SLC8A2: variants seen among roughly 807,000 people sequenced by gnomAD.
The protein encoded by SLC8A2 is solute carrier family 8 member A2.
SLC8A2 carries 14 observed loss-of-function variants against 70.2 expected under a neutral mutation model. That is an observed-to-expected ratio of 0.20 (90% CI 0.13 to 0.31). The LOEUF (loss-of-function observed/expected upper bound fraction) is 0.31. Among genes scored for constraint, SLC8A2 ranks in the 10% least tolerant of loss-of-function variants. SLC8A2 has a pLI of 1.00. For synonymous variants in SLC8A2, 575 were observed against 594.3 expected, an observed-to-expected ratio of 0.97 and a Z score of 0.47; for missense variants, 779 against 1,320.1, an observed-to-expected ratio of 0.59 and a Z score of 6.35.
intron 2 of SLC8A2, among the ~76,000 whole-genome samples, chr19:47,461,288 C>T (rs1473990945): frequency 6.6e-6 from 1 of 151,978 alleles, no homozygotes; most frequent in Non-Finnish European, 1.5e-5. Flanking sequence ...GTGGGTGGAT[C>T]ACTTGAGCTC....
chr19:47,455,123 GGAGA>G (rs1221257280), intron 3 of SLC8A2, among the ~76,000 whole-genome samples: 1 of 152,060 alleles, frequency 6.6e-6, no homozygotes, highest in South Asian at 2.1e-4. Flanking sequence ...AGAGAGTAGA[GGAGA>G]GAGAGGAGAG....
In SLC8A2 at chr19:47,460,299, C is replaced by T. The variant is rs1427258281; in HGVS notation, c.676-2705G>A. 3.3e-5 allele frequency among the ~76,000 whole-genome samples: 5 copies of T among 152,328 alleles called. No individual in the cohort carries two copies. In the East Asian group the frequency reaches 9.6e-4, roughly 29 times the overall value. The stretch of plus-strand genomic sequence containing the variant: ...TACCACAGGGATGGCTGTCTCATCT[C>T]TTGGTCTATACAATGGGGACATTTC... On this transcript the variant is annotated intron_variant, in intron 2 of 9. Coordinates refer to ENST00000236877, the MANE Select transcript of SLC8A2 (RefSeq NM_015063.3).
intron 6 of SLC8A2, among the ~76,000 whole-genome samples, 153 bp from the exon 7 acceptor site, chr19:47,438,126 C>G (rs1051113967): frequency 5.3e-5 from 8 of 152,152 alleles, no homozygotes; most frequent in African/African-American, 1.7e-4. Flanking sequence ...ACCTGACCAC[C>G]GTCTCCTTCA....
At chr19:47,462,315 A>G (rs566492725) in intron 2 of SLC8A2, among the ~76,000 whole-genome samples, 1 of 151,666 alleles carries the variant, frequency 6.6e-6, no homozygotes, top group African/African-American at 2.4e-5. Flanking sequence ...CCCAGGCTGG[A>G]GTGCAGTGGT....
chr19:47,440,758 A>T (rs1272210269), intron 6 of SLC8A2, among the ~76,000 whole-genome samples: 3 of 151,990 alleles, frequency 2.0e-5, no homozygotes, highest in African/African-American at 7.3e-5. Context: ...GGCCCGGCTA[A>T]TTTTGTATTT....
At position 47,447,893 on chromosome 19, in the gene SLC8A2, C is replaced by T. The variant is rs1429402712; in HGVS notation, c.1679G>A (p.Arg560His). Residue 560 changes from arginine (R) to histidine (H), a missense_variant, in exon 4 of 10, where the codon CGC becomes CAC. By Grantham distance (29) the Arg-to-His change is conservative (BLOSUM62 0). This residue lies in a region of SLC8A2 where 247 missense variants were observed against 362.8 expected (regional missense o/e 0.68). Transcript: ENST00000236877. The surrounding 1 kb of genome is among the most constrained non-coding windows in gnomAD (Gnocchi z 5.1). ...GCCGCGCGCCGTGCCGTCCACCGTG[C>T]GGTAGGGAAGGCGCACGGTGCCGCG... is the stretch of plus-strand genomic sequence containing the variant. ...GARGTVRLPY[R>H]TVDGTARGGG... 1 of 1,589,936 alleles carries T rather than the reference C, an allele frequency of 6.3e-7. No homozygotes were observed. The highest frequency in any genetic ancestry group is 8.5e-7 in the Non-Finnish European group (1 of 1,170,842).
chr19:47,463,279 C>T (rs1426970837), intron 2 of SLC8A2, among the ~76,000 whole-genome samples: 1 of 145,700 alleles, frequency 6.9e-6, no homozygotes, highest in Non-Finnish European at 1.5e-5. Context: ...ACTACAGGCG[C>T]CCGCCACCAC....
rs563989298 is a variant in SLC8A2 at position 47,441,000 on chromosome 19, C to T, written c.1885+169G>A. On this transcript the variant is annotated intron_variant, in intron 6 of 9. Transcript: ENST00000236877. ...TAATCCCAAACTCATACAGGCACCACCAACTCTCAGGCCAGACCCCACTGT... is the reference window on the plus strand; with the variant it reads ...TAATCCCAAACTCATACAGGCACCATCAACTCTCAGGCCAGACCCCACTGT... 3.3e-5 allele frequency among the ~76,000 whole-genome samples: 5 copies of T among 152,272 alleles called. No individual in the cohort carries two copies. In the East Asian group the frequency reaches 5.8e-4, roughly 18 times the overall value.
At chr19:47,456,387 C>T (rs544323768) in intron 3 of SLC8A2, among the ~76,000 whole-genome samples, 7 of 152,244 alleles carry the variant, frequency 4.6e-5, no homozygotes, top group African/African-American at 7.2e-5. Context: ...AGAACATGGC[C>T]GGATGATGGC....
At chr19:47,438,949 T>G (rs1208154282) in intron 6 of SLC8A2, among the ~76,000 whole-genome samples, 2 of 152,144 alleles carry the variant, frequency 1.3e-5, no homozygotes, top group African/African-American at 4.8e-5. Flanking sequence ...ACCTGTTTCC[T>G]CTCCTTCCTG....
chr19:47,438,145 G>A (rs919889886), intron 6 of SLC8A2, among the ~76,000 whole-genome samples, 172 bp from the exon 7 acceptor site: 2 of 152,110 alleles, frequency 1.3e-5, no homozygotes, highest in Non-Finnish European at 2.9e-5. Flanking sequence ...CAACCCTGAG[G>A]TCCAGCTCCC....
rs1327720748 is a variant in SLC8A2, at chr19:47,430,722, C to T, written c.2390-257G>A. Among the ~76,000 whole-genome samples, 1 of 152,176 alleles carries T rather than the reference C, an allele frequency of 6.6e-6. No individual in the cohort carries two copies. Among genetic ancestry groups the T allele is most frequent in the Non-Finnish European group, 1.5e-5 (1 of 68,036 alleles). On this transcript the variant is annotated intron_variant, in intron 9 of 9. Transcript: ENST00000236877. This position sits in a 1 kb window ranked among gnomAD's most constrained non-coding sequence, Gnocchi z 5.9. The stretch of plus-strand genomic sequence containing the variant: ...TCATTCTCTTCTATGGGACTCACTG[C>T]GTGATTTCTTTTTTTTTCCTCCGAG...
intron 4 of SLC8A2, among the ~76,000 whole-genome samples, chr19:47,446,073 G>C (rs1967157801): frequency 6.6e-6 from 1 of 152,226 alleles, no homozygotes; most frequent in African/African-American, 2.4e-5. Context: ...CAGAGATGCA[G>C]AGGGAGAGAC....
Position 47,430,405 on chromosome 19 carries a change from T to C in SLC8A2, c.2450A>G (p.Asn817Ser). The change falls in exon 10 of 10, where the codon AAC becomes AGC. Residue 817 changes from asparagine to serine, a missense_variant. This residue lies in a region of SLC8A2 where 108 missense variants were observed against 269.6 expected (regional missense o/e 0.40). Coordinates refer to ENST00000236877, the MANE Select transcript of SLC8A2 (RefSeq NM_015063.3). This position sits in a 1 kb window ranked among gnomAD's most constrained non-coding sequence, Gnocchi z 5.9. ...GTTCACCGCGTTGGAGCCGGTCACG[T>C]TGCCGATGGACGCGTCGGCGCACTG... ...QDQCADASIG[N>S]VTGSNAVNVF... 1 of 1,610,086 alleles carries C rather than the reference T, an allele frequency of 6.2e-7. No homozygotes were observed. Among genetic ancestry groups the C allele is most frequent in the Non-Finnish European group, 8.5e-7 (1 of 1,179,036 alleles).
At chr19:47,471,682 A>C (rs1290223445) in intron 1 of SLC8A2, 107 bp downstream of exon 1, 1 of 151,952 alleles carries the variant, frequency 6.6e-6, no homozygotes, top group African/African-American at 2.4e-5. Flanking sequence ...TCCATAAACC[A>C]GCCCAGGGAA....
At position 47,447,473 on chromosome 19, in the gene SLC8A2, C is replaced by G. The variant is rs1267202289; in HGVS notation, c.1763+336G>C. ...TTCTAGGCCTCGCCTCTTCATTTCACAGTCACAACCCCACCAGGCCCCGCC... is the reference window on the plus strand; with the variant it reads ...TTCTAGGCCTCGCCTCTTCATTTCAGAGTCACAACCCCACCAGGCCCCGCC... On this transcript the variant is annotated intron_variant, in intron 4 of 9. Transcript: ENST00000236877. This position sits in a 1 kb window ranked among gnomAD's most constrained non-coding sequence, Gnocchi z 5.1. 2.7e-6 allele frequency: 1 copy of G among 369,748 alleles called. No individual in the cohort carries two copies. Among genetic ancestry groups the G allele is most frequent in the Non-Finnish European group, 4.9e-6 (1 of 202,894 alleles). 22.9% of individuals were successfully genotyped at this position (369,748 alleles called of 1,614,324 possible).
intron 1 of SLC8A2, among the ~76,000 whole-genome samples, chr19:47,467,308 G>A (rs1172319459): frequency 1.3e-5 from 2 of 152,196 alleles, no homozygotes; most frequent in African/African-American, 4.8e-5. Flanking sequence ...TGAGAGGCAG[G>A]GAGCAGGAGG....
Position 47,447,402 on chromosome 19 carries a change from TC to T in SLC8A2, c.1763+406del. On this transcript the variant is annotated intron_variant, in intron 4 of 9. Transcript: ENST00000236877. This position sits in a 1 kb window ranked among gnomAD's most constrained non-coding sequence, Gnocchi z 5.1. ...CCCCGTCCCATCTCTCCTCACCTCG[TC>T]CCCCCTTCCTCCTTGGGGCCCTCTT... is the stretch of plus-strand genomic sequence containing the variant. 1 of 249,886 alleles carries T rather than the reference TC, an allele frequency of 4.0e-6. No homozygotes were observed. Among genetic ancestry groups the T allele is most frequent in the East Asian group, 1.3e-4 (1 of 7,500 alleles). 15.5% of individuals were successfully genotyped at this position (249,886 alleles called of 1,614,324 possible).
intron 3 of SLC8A2, among the ~76,000 whole-genome samples, chr19:47,453,361 C>G (rs1163446915): frequency 6.6e-6 from 1 of 152,234 alleles, no homozygotes; most frequent in African/African-American, 2.4e-5. Context: ...GCTTCAACAA[C>G]TGTACATGGC....
Sources: allele counts gnomAD v4.1 joint callset (sites outside exome capture counted in the v4.1 genomes callset), GRCh38; gene constraint gnomAD v4.1.1; regional missense constraint gnomAD v4.1.1; non-coding constraint Gnocchi (gnomAD v3.1); transcripts MANE v1.5; gene names NCBI Gene and HGNC (gene_info 2026-07-23, HGNC 2026-07-21).